RANBP2: variants seen among roughly 807,000 people sequenced by gnomAD.
RANBP2 encodes RAN binding protein 2.
A neutral mutation model predicts 303.6 loss-of-function variants in RANBP2; 57 were observed. That is an observed-to-expected ratio of 0.19 (90% CI 0.15 to 0.23). The LOEUF is 0.23. Among genes scored for constraint, RANBP2 ranks in the 10% least tolerant of loss-of-function variants. The pLI is 1.00. For missense variants in RANBP2, 3,138 were observed against 3,780.8 expected (o/e 0.83, Z 4.46); for synonymous variants, 1,167 against 1,301.5 (o/e 0.90, Z 2.23).
At chr2:109,446,024 A>C in the RANBP2 span, among the ~76,000 whole-genome samples, 1 of 152,188 alleles carries the variant, frequency 6.6e-6, no homozygotes, top group Non-Finnish European at 1.5e-5. Flanking sequence ...TGCTTTCCTA[A>C]GCAGCCTTCA....
At chr2:109,387,179 G>C in the RANBP2 span, among the ~76,000 whole-genome samples, 1 of 152,152 alleles carries the variant, frequency 6.6e-6, no homozygotes, top group Non-Finnish European at 1.5e-5. Flanking sequence ...ACAAATTTGA[G>C]ATTGCGCTGT....
chr2:109,399,877 A>G, the RANBP2 span, among the ~76,000 whole-genome samples: 2 of 152,210 alleles, frequency 1.3e-5, no homozygotes, highest in Non-Finnish European at 2.9e-5. Context: ...GCAGATGTCC[A>G]TGGGTGAGCC....
At chr2:109,604,019 G>T in the RANBP2 span, among the ~76,000 whole-genome samples, 1 of 151,710 alleles carries the variant, frequency 6.6e-6, no homozygotes, top group Non-Finnish European at 1.5e-5. Flanking sequence ...AAAATTAGCC[G>T]GGCATAGTGG....
the RANBP2 span, chr2:109,613,359 C>T: frequency 8.5e-6 from 3 of 353,404 alleles, no homozygotes; most frequent in Admixed American, 3.8e-5. Flanking sequence ...AACGGGAGAG[C>T]TTTTGAAAAG....
chr2:108,739,342 G>T (rs1283498532), intron 6 of RANBP2, among the ~76,000 whole-genome samples: 1 of 152,212 alleles, frequency 6.6e-6, no homozygotes, highest in African/African-American at 2.4e-5. Context: ...GTCAGAGGTT[G>T]CAGTAAGCCA....
At chr2:109,035,660 A>G in the RANBP2 span, among the ~76,000 whole-genome samples, 1 of 152,170 alleles carries the variant, frequency 6.6e-6, no homozygotes, top group South Asian at 2.1e-4. Flanking sequence ...TATCCCAGCA[A>G]AAGTCTAGTG....
chr2:108,843,060 CTA>C, the RANBP2 span, among the ~76,000 whole-genome samples: 4 of 152,106 alleles, frequency 2.6e-5, no homozygotes, highest in Non-Finnish European at 5.9e-5. Context: ...TTTTTGTTTA[CTA>C]TGTTCTTCTC....
chr2:109,160,541 T>G, the RANBP2 span, among the ~76,000 whole-genome samples: 3 of 152,200 alleles, frequency 2.0e-5, no homozygotes, highest in African/African-American at 7.2e-5. Context: ...GAGTTGTGCC[T>G]CTCTGGCTTA....
chr2:108,745,788 T>C (rs1696463666), intron 7 of RANBP2, among the ~76,000 whole-genome samples: 1 of 152,194 alleles, frequency 6.6e-6, no homozygotes, highest in Admixed American at 6.5e-5. Flanking sequence ...ACATCTGCTG[T>C]TGTCCTATTT....
chr2:108,874,754 C>T, the RANBP2 span, among the ~76,000 whole-genome samples: 1 of 152,104 alleles, frequency 6.6e-6, no homozygotes, highest in Non-Finnish European at 1.5e-5. Context: ...GACCAAGTTA[C>T]TAGCGCTGAA....
the RANBP2 span, chr2:108,873,326 G>A: frequency 2.3e-6 from 2 of 877,652 alleles, no homozygotes; most frequent in Non-Finnish European, 3.1e-6. Flanking sequence ...AAAAATTTAA[G>A]TATGAAAAGA....
At chr2:109,034,628 A>C in the RANBP2 span, among the ~76,000 whole-genome samples, 2 of 152,240 alleles carry the variant, frequency 1.3e-5, no homozygotes, top group East Asian at 1.9e-4. Flanking sequence ...TCATGGAGCT[A>C]AGGTGGGGCC....
chr2:109,036,931 G>T, the RANBP2 span, among the ~76,000 whole-genome samples: 4 of 152,082 alleles, frequency 2.6e-5, no homozygotes, highest in African/African-American at 9.7e-5. Flanking sequence ...ATCACTTGAG[G>T]TCAGGAGTTT....
chr2:108,815,862 A>T, the RANBP2 span: 1 of 1,158,840 alleles, frequency 8.6e-7, no homozygotes. Context: ...TATTCTTATT[A>T]CTTAACAAAT....
chr2:108,845,138 C>A, the RANBP2 span, among the ~76,000 whole-genome samples: 1 of 151,998 alleles, frequency 6.6e-6, no homozygotes, highest in Non-Finnish European at 1.5e-5. Flanking sequence ...TTACCTTAAT[C>A]CTGTCATTTA....
chr2:109,449,328 C>T, the RANBP2 span: 65 of 1,604,634 alleles, frequency 4.1e-5, no homozygotes, highest in African/African-American at 5.1e-4. Context: ...GATGTGCCCA[C>T]GGCCGGCCAT....
At chr2:108,802,891 G>A in the RANBP2 span, among the ~76,000 whole-genome samples, 4 of 152,290 alleles carry the variant, frequency 2.6e-5, no homozygotes, top group Middle Eastern at 3.4e-3. Flanking sequence ...AGATAATCAC[G>A]TGGTTTTTGT....
At chr2:109,431,137 G>A in the RANBP2 span, among the ~76,000 whole-genome samples, 1 of 152,162 alleles carries the variant, frequency 6.6e-6, no homozygotes, top group Admixed American at 6.5e-5. Flanking sequence ...TCACTTCTAA[G>A]TGGGGTTCCT....
At chr2:109,553,900 C>T in the RANBP2 span, among the ~76,000 whole-genome samples, 1 of 151,640 alleles carries the variant, frequency 6.6e-6, no homozygotes, top group Non-Finnish European at 1.5e-5. Flanking sequence ...AATACAAGTG[C>T]TCACCTAATG....
Sources: gnomAD v4.1 joint callset for allele counts (sites outside exome capture counted in the v4.1 genomes callset) on GRCh38, gnomAD v4.1.1 for gene constraint, MANE v1.5 for transcripts, NCBI Gene and HGNC (gene_info 2026-07-23, HGNC 2026-07-21) for gene names.